PMEPA1: variants seen among roughly 807,000 people sequenced by gnomAD.
PMEPA1 encodes protein TMEPAI.
PMEPA1 carries 11 observed loss-of-function variants against 23.0 expected under a neutral mutation model. That is an observed-to-expected ratio of 0.48 (90% confidence interval 0.30 to 0.79). The LOEUF (loss-of-function observed/expected upper bound fraction) is 0.79, where lower values mean the gene tolerates loss of function less well. Ranked by LOEUF, PMEPA1 falls within the 30% of genes least tolerant of loss-of-function variation. The pLI is 0.06. For missense variants in PMEPA1, 377 were observed against 390.9 expected, an observed-to-expected ratio of 0.96 and a Z score of 0.30; for synonymous variants, 204 against 166.4, an observed-to-expected ratio of 1.23 and a Z score of -1.74.
intron 1 of PMEPA1, among the ~76,000 whole-genome samples, chr20:57,695,542 G>A (rs936255606): frequency 5.4e-4 from 82 of 152,364 alleles, no homozygotes; most frequent in African/African-American, 1.8e-3. Context: ...GCTCACGCCT[G>A]TAATCTTTGG....
At chr20:57,706,449 G>C (rs1397842098) in intron 1 of PMEPA1, among the ~76,000 whole-genome samples, 1 of 152,122 alleles carries the variant, frequency 6.6e-6, no homozygotes, top group South Asian at 2.1e-4. Flanking sequence ...TTAATCCCAG[G>C]ACCCTTGGCT....
intron 1 of PMEPA1, among the ~76,000 whole-genome samples, chr20:57,688,854 C>T (rs2071836658): frequency 6.6e-6 from 1 of 152,142 alleles, no homozygotes; most frequent in Admixed American, 6.5e-5. Context: ...GGGATGTTCC[C>T]GCCTGTCCTC....
chr20:57,680,100 A>C (rs942946112), intron 1 of PMEPA1, among the ~76,000 whole-genome samples: 1 of 152,168 alleles, frequency 6.6e-6, no homozygotes, highest in Non-Finnish European at 1.5e-5. Context: ...AGCCCCAGGG[A>C]ACCGTCGGGG....
chr20:57,698,309 G>A (rs750274071), intron 1 of PMEPA1, among the ~76,000 whole-genome samples: 3 of 152,086 alleles, frequency 2.0e-5, no homozygotes, highest in Admixed American at 2.0e-4. Context: ...CAATACACCC[G>A]CCTCTTTTTC....
intron 1 of PMEPA1, among the ~76,000 whole-genome samples, chr20:57,665,900 G>A (rs149050359): frequency 6.6e-6 from 1 of 152,216 alleles, no homozygotes; most frequent in African/African-American, 2.4e-5. Context: ...AGGCCCTTGC[G>A]GGGAGGCACC....
rs2071382770 is a variant in PMEPA1 at position 57,659,631 on chromosome 20, G to A, written c.176C>T (p.Thr59Met). Residue 59 changes from threonine (T) to methionine (M), a missense_variant, in exon 2 of 4, where the codon ACG (threonine) becomes ATG (methionine). Physicochemically the swap from Thr to Met is moderately conservative, Grantham distance 81. Transcript: ENST00000341744. Reference sequence around the variant, plus strand: ...CAGCTTGTAGTGGCTCAGCAGGCACGTGATCACCACCACCATCACCATCAT... The same window carrying A: ...CAGCTTGTAGTGGCTCAGCAGGCACATGATCACCACCACCATCACCATCAT... ...VVMMVMVVVI[T>M]CLLSHYKLSA... 6.2e-7 allele frequency: 1 copy of A among 1,611,788 alleles called. No homozygotes were observed. Among genetic ancestry groups the A allele is most frequent in the Middle Eastern group, 1.7e-4 (1 of 6,058 alleles).
chr20:57,657,949 C>T (rs1451567735), intron 2 of PMEPA1, among the ~76,000 whole-genome samples: 1 of 152,224 alleles, frequency 6.6e-6, no homozygotes, highest in Non-Finnish European at 1.5e-5. Flanking sequence ...CCCACAGTTC[C>T]CAGCCTGCTC....
At chr20:57,669,597 C>T (rs1248676517) in intron 1 of PMEPA1, among the ~76,000 whole-genome samples, 1 of 152,178 alleles carries the variant, frequency 6.6e-6, no homozygotes, top group Non-Finnish European at 1.5e-5. Context: ...GCACAGCCAC[C>T]GGTCAGTCTG....
chr20:57,689,569 G>A (rs993714269), intron 1 of PMEPA1, among the ~76,000 whole-genome samples: 2 of 152,182 alleles, frequency 1.3e-5, no homozygotes, highest in African/African-American at 2.4e-5. Flanking sequence ...AATGAAACTC[G>A]GGGAATCCTC....
Position 57,651,940 on chromosome 20 carries a change from G to C in PMEPA1, c.*113C>G, listed in dbSNP as rs1342024129. ...TTATACACAGGGAGGTGGGAGGGGAGGGCCACACGATGCGTTGCTGCGCCC... is the reference window on the plus strand; with the variant it reads ...TTATACACAGGGAGGTGGGAGGGGACGGCCACACGATGCGTTGCTGCGCCC... On this transcript the variant is annotated 3_prime_UTR_variant, in exon 4 of 4. Coordinates refer to ENST00000341744, the MANE Select transcript of PMEPA1 (RefSeq NM_020182.5). The C allele has an allele frequency of 1.8e-5, 14 of 784,262 alleles. No individual in the cohort carries two copies. Among genetic ancestry groups the C allele is most frequent in the Non-Finnish European group, 2.5e-5 (13 of 519,506 alleles). 48.6% of individuals were successfully genotyped at this position (784,262 alleles called of 1,614,324 possible).
intron 1 of PMEPA1, among the ~76,000 whole-genome samples, chr20:57,706,991 C>T (rs192425563): frequency 5.6e-4 from 85 of 152,270 alleles, no homozygotes; most frequent in African/African-American, 1.7e-3. Flanking sequence ...TCATCCATCA[C>T]GGCCTCATTC....
rs1466482840 is a variant in PMEPA1 at position 57,652,011 on chromosome 20, C to T, written c.*42G>A. ...CTTCTAAGAAGCGCGGAGTGTTCTG[C>T]CTTTTCACCTACGCAGCCCCAGCCC... is the stretch of plus-strand genomic sequence containing the variant. On this transcript the variant is annotated 3_prime_UTR_variant, in exon 4 of 4. Transcript: ENST00000341744. This position sits in a 1 kb window ranked among gnomAD's most constrained non-coding sequence, Gnocchi z 6.1. The T allele has an allele frequency of 7.0e-7, 1 of 1,437,204 alleles. No individual in the cohort carries two copies. The highest frequency in any genetic ancestry group is 9.2e-7 in the Non-Finnish European group (1 of 1,086,132). 89.0% of individuals were successfully genotyped at this position (1,437,204 alleles called of 1,614,324 possible). A position where few individuals can be genotyped will look rare whatever the true frequency, so the allele number is the denominator to read the frequency against.
intron 1 of PMEPA1, among the ~76,000 whole-genome samples, chr20:57,689,504 C>A (rs1175627922): frequency 6.6e-6 from 1 of 152,202 alleles, no homozygotes; most frequent in Non-Finnish European, 1.5e-5. Context: ...AGTCCAGCAT[C>A]GGACCCAGCA....
chr20:57,699,713 G>A (rs556116910), intron 1 of PMEPA1, among the ~76,000 whole-genome samples: 3 of 152,336 alleles, frequency 2.0e-5, no homozygotes, highest in Non-Finnish European at 2.9e-5. Context: ...CTGAAAAACC[G>A]ATTCAGCTTC....
chr20:57,672,942 G>A (rs118074607), intron 1 of PMEPA1, among the ~76,000 whole-genome samples: 3 of 152,326 alleles, frequency 2.0e-5, no homozygotes, highest in Admixed American at 2.0e-4. Context: ...TAGCACCCAC[G>A]CACGGGTTGC....
intron 1 of PMEPA1, among the ~76,000 whole-genome samples, chr20:57,675,797 C>G (rs1186169993): frequency 6.6e-6 from 1 of 152,158 alleles, no homozygotes; most frequent in Non-Finnish European, 1.5e-5. Context: ...TCCTCTGGGG[C>G]ATCTGTCTGT....
rs377720013 is a variant in PMEPA1 at position 57,652,401 on chromosome 20, G to A, written c.516C>T (p.Pro172=). The part of the protein sequence containing the change: ...QGPCTLQLRD[P]EQQLELNRES... ...CCCGGTTCAGTTCCAGCTGCTGCTC[G>A]GGGTCCCGAAGCTGGAGGGTGCAGG... Residue 172 remains proline (P), a synonymous_variant, in exon 4 of 4, where the codon CCC becomes CCT. Coordinates refer to ENST00000341744, the MANE Select transcript of PMEPA1 (RefSeq NM_020182.5). The surrounding 1 kb of genome is among the most constrained non-coding windows in gnomAD (Gnocchi z 6.1). 1.9e-6 allele frequency: 3 copies of A among 1,613,652 alleles called. No homozygotes were observed. The highest frequency in any genetic ancestry group is 2.5e-6 in the Non-Finnish European group (3 of 1,179,928).
intron 1 of PMEPA1, among the ~76,000 whole-genome samples, chr20:57,676,431 G>A (rs2071637471): frequency 6.6e-6 from 1 of 152,238 alleles, no homozygotes; most frequent in Non-Finnish European, 1.5e-5. Flanking sequence ...AAGCATGCAT[G>A]CTGACCGGGC....
chr20:57,692,494 C>T (rs1472319187), intron 1 of PMEPA1, among the ~76,000 whole-genome samples: 1 of 151,776 alleles, frequency 6.6e-6, no homozygotes, highest in Non-Finnish European at 1.5e-5. Context: ...GAGCCCGGTC[C>T]CCCTGAAGCC....
Sources: gnomAD v4.1 joint callset for allele counts (sites outside exome capture counted in the v4.1 genomes callset) on GRCh38, gnomAD v4.1.1 for gene constraint, Gnocchi (gnomAD v3.1) non-coding constraint, MANE v1.5 for transcripts, NCBI Gene and HGNC (gene_info 2026-07-23, HGNC 2026-07-21) for gene names.